ADK: variants seen among roughly 807,000 people sequenced by gnomAD.
The protein encoded by ADK is N6,N6-dimethyladenosine kinase.
Under a neutral mutation model 44.7 loss-of-function variants are expected in ADK, and 24 were observed. The observed-to-expected ratio is 0.54, with a 90% CI of 0.39 to 0.76. The LOEUF (loss-of-function observed/expected upper bound fraction) is 0.76. Ranked by LOEUF, ADK falls within the 30% of genes least tolerant of loss-of-function variation. The pLI is 0.00. For synonymous variants in ADK, 128 were observed against 142.6 expected (o/e 0.90, Z 0.73); for missense variants, 321 against 425.1 (o/e 0.76, Z 2.15).
intron 3 of ADK, among the ~76,000 whole-genome samples, chr10:74,313,332 G>C (rs7907267): frequency 0.037 from 5,552 of 151,510 alleles, 366 homozygotes; most frequent in African/African-American, 0.13. Context: ...GTTTTTTTTG[G>C]GGGGGAGAGG....
At chr10:74,234,142 A>G (rs1488358838) in intron 3 of ADK, among the ~76,000 whole-genome samples, 2 of 152,228 alleles carry the variant, frequency 1.3e-5, no homozygotes, top group Admixed American at 1.3e-4. Flanking sequence ...CCTTTTGGGA[A>G]TGATATAGAC....
chr10:74,358,639 C>T (rs1230416718), intron 4 of ADK, among the ~76,000 whole-genome samples: 1 of 152,208 alleles, frequency 6.6e-6, no homozygotes, highest in African/African-American at 2.4e-5. Context: ...CAAAACTTTT[C>T]ATCCTCAGAG....
chr10:74,179,884 C>T (rs73282455), intron 1 of ADK, among the ~76,000 whole-genome samples: 124 of 152,166 alleles, frequency 8.1e-4, no homozygotes, highest in African/African-American at 2.9e-3. Context: ...GTCTAAGAAC[C>T]CTCTTGGGGT....
intron 1 of ADK, among the ~76,000 whole-genome samples, chr10:74,160,356 A>C (rs900713532): frequency 1.3e-5 from 2 of 152,232 alleles, no homozygotes; most frequent in African/African-American, 4.8e-5. Context: ...AAAATTGGGT[A>C]TAAATATGAC....
intron 3 of ADK, among the ~76,000 whole-genome samples, chr10:74,249,143 A>G (rs1337368459): frequency 6.6e-6 from 1 of 152,216 alleles, no homozygotes; most frequent in Non-Finnish European, 1.5e-5. Flanking sequence ...GAATATAATT[A>G]CTGAAATGAT....
intron 6 of ADK, among the ~76,000 whole-genome samples, chr10:74,403,018 C>T (rs180674217): frequency 5.3e-5 from 8 of 152,248 alleles, no homozygotes; most frequent in African/African-American, 1.7e-4. Flanking sequence ...GAGGTCCACT[C>T]CAGACCCTGT....
chr10:74,624,195 T>C (rs946187825), intron 9 of ADK, among the ~76,000 whole-genome samples: 10 of 152,044 alleles, frequency 6.6e-5, no homozygotes, highest in African/African-American at 2.2e-4. Context: ...CTATTTCAAC[T>C]GCTCTAGAAC....
In ADK at chr10:74,675,187, A is replaced by G. The variant is rs914471070; in HGVS notation, c.964+4918A>G. Among the ~76,000 whole-genome samples the G allele has an allele frequency of 4.6e-5, 7 of 152,196 alleles. No individual in the cohort carries two copies. The East Asian group carries it at 1.4e-3, about 29-fold the overall frequency. On this transcript the variant is annotated intron_variant, in intron 10 of 10. Coordinates refer to ENST00000539909, the MANE Select transcript of ADK (RefSeq NM_006721.4). ...GAAGGACAATAATTTTCTTTGCATA[A>G]ATTTCAAGTTTTGGATAAAGTATCA...
intron 3 of ADK, among the ~76,000 whole-genome samples, chr10:74,259,028 T>C (rs1272045304): frequency 5.5e-5 from 8 of 146,536 alleles, no homozygotes; most frequent in African/African-American, 2.0e-4. Context: ...CTCGGCTCAT[T>C]GCAACCTCTC....
intron 6 of ADK, among the ~76,000 whole-genome samples, chr10:74,407,976 A>C (rs1182427390): frequency 2.0e-5 from 3 of 151,420 alleles, no homozygotes; most frequent in Admixed American, 6.6e-5. Context: ...TTTTTTTTCA[A>C]GAATGCCTAA....
chr10:74,366,104 C>G (rs780996899), intron 4 of ADK, among the ~76,000 whole-genome samples: 3 of 152,046 alleles, frequency 2.0e-5, no homozygotes, highest in Non-Finnish European at 4.4e-5. Context: ...GTGATCAGAC[C>G]TGGAACCTTG....
At chr10:74,557,076 G>A (rs1301913957) in intron 7 of ADK, among the ~76,000 whole-genome samples, 1 of 152,110 alleles carries the variant, frequency 6.6e-6, no homozygotes, top group East Asian at 1.9e-4. Flanking sequence ...TATACCTATG[G>A]TCAAGTGGCA....
At chr10:74,238,513 T>C (rs549264208) in intron 3 of ADK, among the ~76,000 whole-genome samples, 1 of 152,322 alleles carries the variant, frequency 6.6e-6, no homozygotes, top group South Asian at 2.1e-4. Context: ...CTAATTACCT[T>C]GTGCACTAAA....
intron 4 of ADK, among the ~76,000 whole-genome samples, chr10:74,391,731 C>T (rs926784880): frequency 4.0e-5 from 6 of 151,178 alleles, no homozygotes; most frequent in Admixed American, 1.3e-4. Context: ...ATAACATTAA[C>T]TCTACCATCT....
intron 7 of ADK, among the ~76,000 whole-genome samples, chr10:74,537,646 C>G (rs1033167162): frequency 6.6e-6 from 1 of 152,082 alleles, no homozygotes; most frequent in Non-Finnish European, 1.5e-5. Context: ...TAATGCCTTT[C>G]AAGGCTCCAT....
intron 6 of ADK, among the ~76,000 whole-genome samples, chr10:74,431,066 C>CAA (rs35141788): frequency 0.067 from 3,692 of 55,170 alleles, 349 homozygotes; most frequent in East Asian, 0.076. Context: ...GACTCCGTCT[C>CAA]AAAAAAAAAA....
At chr10:74,678,412 G>T (rs1015371057) in intron 10 of ADK, among the ~76,000 whole-genome samples, 6 of 152,150 alleles carry the variant, frequency 3.9e-5, no homozygotes, top group Admixed American at 6.5e-5. Flanking sequence ...AAGAGAGAGA[G>T]AAATCACTTT....
intron 4 of ADK, among the ~76,000 whole-genome samples, chr10:74,385,664 T>A (rs1843116780): frequency 6.6e-6 from 1 of 152,224 alleles, no homozygotes; most frequent in Admixed American, 6.5e-5. Context: ...GTTGTCATCG[T>A]CAGCTGTACT....
chr10:74,620,712 T>C (rs939618739), intron 9 of ADK, among the ~76,000 whole-genome samples: 2 of 152,132 alleles, frequency 1.3e-5, no homozygotes, highest in South Asian at 2.1e-4. Flanking sequence ...GCTTTTTTTT[T>C]CTCTTTTTAA....
Sources: allele counts gnomAD v4.1 joint callset (sites outside exome capture counted in the v4.1 genomes callset), GRCh38; gene constraint gnomAD v4.1.1; transcripts MANE v1.5; gene names NCBI Gene and HGNC (gene_info 2026-07-23, HGNC 2026-07-21).